Variants in SLC60A1 observed in about 807,000 individuals in gnomAD.
SLC60A1 encodes the protein major facilitator superfamily domain containing 4.
At chr1:205,582,034 T>C in the SLC60A1 span, among the ~76,000 whole-genome samples, 1 of 152,210 alleles carries the variant, frequency 6.6e-6, no homozygotes, top group Non-Finnish European at 1.5e-5. Flanking sequence ...CTTTCCTTTG[T>C]AGATTTCCTT....
the SLC60A1 span, among the ~76,000 whole-genome samples, chr1:205,588,449 G>A: frequency 1.8e-5 from 2 of 110,254 alleles, no homozygotes. Flanking sequence ...CAGCCTGAGA[G>A]ACAGAGCAAG....
At chr1:205,586,631 A>T in the SLC60A1 span, among the ~76,000 whole-genome samples, 1 of 151,688 alleles carries the variant, frequency 6.6e-6, no homozygotes, top group Non-Finnish European at 1.5e-5. Context: ...GGGATCCCAC[A>T]ACCGTCGGAA....
the SLC60A1 span, chr1:205,579,735 C>T: frequency 6.2e-6 from 10 of 1,613,770 alleles, no homozygotes; most frequent in African/African-American, 1.3e-4. Flanking sequence ...CCTGACATCA[C>T]CCTTCCCTCC....
At chr1:205,577,590 T>A in the SLC60A1 span, among the ~76,000 whole-genome samples, 1 of 152,158 alleles carries the variant, frequency 6.6e-6, no homozygotes, top group South Asian at 2.1e-4. The surrounding 1 kb of genome is among the most constrained non-coding windows in gnomAD (Gnocchi z 5.2). Flanking sequence ...CATTCAACGC[T>A]CTGCAGAATC....
the SLC60A1 span, chr1:205,600,597 G>A: frequency 2.6e-6 from 2 of 780,726 alleles, no homozygotes; most frequent in Non-Finnish European, 4.2e-6. Context: ...ACTTGGTTGG[G>A]TAGAGGAAAT....
chr1:205,572,105 G>A, the SLC60A1 span, among the ~76,000 whole-genome samples: 1 of 152,206 alleles, frequency 6.6e-6, no homozygotes, highest in Non-Finnish European at 1.5e-5. Context: ...TGGAGTGGGT[G>A]CAGGGGAAGA....
At chr1:205,569,377 C>T in the SLC60A1 span, 1 of 1,085,352 alleles carries the variant, frequency 9.2e-7, no homozygotes, top group East Asian at 3.6e-5. Context: ...CCCTCCCGCC[C>T]CGCGACCCGG....
chr1:205,581,617 C>T, the SLC60A1 span, among the ~76,000 whole-genome samples: 1 of 152,038 alleles, frequency 6.6e-6, no homozygotes. The surrounding 1 kb of genome is among the most constrained non-coding windows in gnomAD (Gnocchi z 4.2). Context: ...GGAGGACTGT[C>T]GGGAACACCA....
the SLC60A1 span, among the ~76,000 whole-genome samples, chr1:205,581,709 C>T: frequency 6.6e-6 from 1 of 152,224 alleles, no homozygotes; most frequent in Non-Finnish European, 1.5e-5. The surrounding 1 kb of genome is among the most constrained non-coding windows in gnomAD (Gnocchi z 4.2). Flanking sequence ...CACCATGCTG[C>T]TTGTCATGGT....
chr1:205,594,431 G>A, the SLC60A1 span, among the ~76,000 whole-genome samples: 1 of 152,168 alleles, frequency 6.6e-6, no homozygotes, highest in Non-Finnish European at 1.5e-5. Context: ...TGAGGCGGGT[G>A]GATCACTTGA....
the SLC60A1 span, chr1:205,597,738 C>A: frequency 2.5e-6 from 4 of 1,609,278 alleles, no homozygotes; most frequent in African/African-American, 5.3e-5. Flanking sequence ...CTTCTGTCTC[C>A]TTAACTTGCT....
At chr1:205,592,476 G>A in the SLC60A1 span, among the ~76,000 whole-genome samples, 2 of 151,768 alleles carry the variant, frequency 1.3e-5, no homozygotes, top group Non-Finnish European at 2.9e-5. Context: ...TTGGTGTGCT[G>A]CACCCATTAA....
chr1:205,569,183 G>A, the SLC60A1 span: 3 of 1,545,336 alleles, frequency 1.9e-6, no homozygotes, highest in African/African-American at 4.2e-5. Context: ...TGGGGCCCAC[G>A]CTGCTGGACC....
the SLC60A1 span, chr1:205,602,601 A>G: frequency 6.6e-6 from 1 of 152,658 alleles, no homozygotes; most frequent in Non-Finnish European, 1.5e-5. Context: ...GTACATATTT[A>G]TTGCAAGTCA....
chr1:205,569,492 C>T, the SLC60A1 span, among the ~76,000 whole-genome samples: 2 of 150,510 alleles, frequency 1.3e-5, no homozygotes, highest in Non-Finnish European at 3.0e-5. Flanking sequence ...CCCTCCCTCC[C>T]TCCCCCGCAG....
chr1:205,579,425 A>G, the SLC60A1 span: 9 of 536,896 alleles, frequency 1.7e-5, no homozygotes, highest in Non-Finnish European at 3.0e-5. Context: ...GTTCCCTGAA[A>G]AGGGTGGGGA....
chr1:205,577,908 C>T, the SLC60A1 span, among the ~76,000 whole-genome samples: 61 of 152,216 alleles, frequency 4.0e-4, no homozygotes, highest in Non-Finnish European at 8.1e-4. The surrounding 1 kb of genome is among the most constrained non-coding windows in gnomAD (Gnocchi z 5.2). Flanking sequence ...GCTTCATAGC[C>T]TTGTCATATG....
the SLC60A1 span, among the ~76,000 whole-genome samples, chr1:205,589,960 G>A: frequency 6.6e-6 from 1 of 152,206 alleles, no homozygotes; most frequent in Non-Finnish European, 1.5e-5. Flanking sequence ...AGGTGTGGGA[G>A]GTAAGGAAAG....
chr1:205,591,957 C>T, the SLC60A1 span: 1 of 728,242 alleles, frequency 1.4e-6, no homozygotes, highest in South Asian at 1.9e-5. Context: ...TTCCAGATGT[C>T]AGAACGGTCC....
Sources: allele counts gnomAD v4.1 joint callset (sites outside exome capture counted in the v4.1 genomes callset), GRCh38; gene constraint gnomAD v4.1.1; non-coding constraint Gnocchi (gnomAD v3.1); transcripts MANE v1.5; gene names NCBI Gene and HGNC (gene_info 2026-07-23, HGNC 2026-07-21).